The following PDS5A variants were observed in gnomAD, a reference collection of about 807,000 sequenced individuals.
PDS5A encodes the protein PDS5 cohesin associated factor A.
PDS5A carries 42 observed loss-of-function variants against 167.1 expected under a neutral mutation model. The observed-to-expected ratio is 0.25, with a 90% confidence interval of 0.20 to 0.33. PDS5A has a LOEUF of 0.33. PDS5A is among the 10% of genes least tolerant of loss of function. The pLI is 1.00. For synonymous variants in PDS5A, 553 were observed against 554.6 expected, an observed-to-expected ratio of 1.00 and a Z score of 0.04; for missense variants, 1,033 against 1,605.9, an observed-to-expected ratio of 0.64 and a Z score of 6.10.
At chr4:39,911,786 C>T (rs1277772129) in intron 9 of PDS5A, among the ~76,000 whole-genome samples, 3 of 147,818 alleles carry the variant, frequency 2.0e-5, no homozygotes, top group South Asian at 2.1e-4. Flanking sequence ...GAGCAGAGAT[C>T]GCGCCACTGC....
At position 39,827,634 on chromosome 4, in the gene PDS5A, T is replaced by G. The variant is rs867431762; in HGVS notation, c.4011-2146A>C. On this transcript the variant is annotated intron_variant, in intron 32 of 32. Coordinates refer to ENST00000303538, the MANE Select transcript of PDS5A (RefSeq NM_001100399.2). ...CGAACCCACATGATGGGAGGAAACC[T>G]TCTCATTATACAAATGAGCACAAAA... Among the ~76,000 whole-genome samples the G allele has an allele frequency of 1.2e-4, 18 of 152,344 alleles. 1 individual carries two copies. The highest frequency in any genetic ancestry group is 1.0e-3 in the South Asian group (5 of 4,832).
intron 17 of PDS5A, among the ~76,000 whole-genome samples, chr4:39,887,897 CAAAACAAAA>C (rs1721616121): frequency 6.6e-6 from 1 of 151,504 alleles, no homozygotes; most frequent in Non-Finnish European, 1.5e-5. Flanking sequence ...CAAAACAAAA[CAAAACAAAA>C]AAACACCAGA....
At chr4:39,976,407 A>G in intron 2 of PDS5A, 33 bp downstream of exon 2, 1 of 1,595,124 alleles carries the variant, frequency 6.3e-7, no homozygotes, top group Non-Finnish European at 8.6e-7. Flanking sequence ...AGCGCCTTCT[A>G]CCAAAGACAT....
In PDS5A at chr4:39,838,096, A is replaced by C. The variant is rs1716601139; in HGVS notation, c.3770T>G (p.Val1257Gly). Reference sequence around the variant, plus strand: ...AGGGGCGGGAGGTCCCGATTCATCTACTTTCTCATCTGTTTTTTGTTGGAT... The same window carrying C: ...AGGGGCGGGAGGTCCCGATTCATCTCCTTTCTCATCTGTTTTTTGTTGGAT... ...ENIQQKTDEK[V>G]DESGPPAPSK... Residue 1257 changes from valine to glycine, a missense_variant, in exon 32 of 33, where the codon GTA becomes GGA. Val to Gly is a moderately radical substitution (Grantham distance 109). Around this residue, in one of 4 missense-constraint regions of PDS5A, gnomAD observed 233 missense variants for 264.0 expected, o/e 0.88. Coordinates refer to ENST00000303538, the MANE Select transcript of PDS5A (RefSeq NM_001100399.2). The C allele has an allele frequency of 1.2e-6, 2 of 1,613,754 alleles. No individual in the cohort carries two copies. The highest frequency in any genetic ancestry group is 3.3e-4 in the Middle Eastern group (2 of 6,060).
intron 2 of PDS5A, among the ~76,000 whole-genome samples, chr4:39,945,228 A>C (rs986255692): frequency 2.8e-4 from 42 of 152,066 alleles, no homozygotes; most frequent in African/African-American, 1.0e-3. Flanking sequence ...TGGAAGGCCA[A>C]GGTGGGCGGA....
intron 9 of PDS5A, among the ~76,000 whole-genome samples, chr4:39,911,950 C>A (rs772861212): frequency 6.6e-6 from 1 of 151,058 alleles, no homozygotes; most frequent in Non-Finnish European, 1.5e-5. Context: ...ATAATGTGAT[C>A]TGAAATAGCT....
intron 26 of PDS5A, among the ~76,000 whole-genome samples, chr4:39,850,295 G>A (rs1045524531): frequency 6.7e-6 from 1 of 149,260 alleles, no homozygotes; most frequent in Non-Finnish European, 1.5e-5. Flanking sequence ...AAAGAAATTC[G>A]AGACTAGCCT....
At chr4:39,862,374 C>T (rs1719073808) in intron 25 of PDS5A, 41 bp from the exon 26 acceptor site, 2 of 912,210 alleles carry the variant, frequency 2.2e-6, no homozygotes, top group Non-Finnish European at 1.7e-6. Flanking sequence ...TTATAAAATG[C>T]CTTAGTGGAC....
chr4:39,952,268 T>C (rs1466534866), intron 2 of PDS5A, among the ~76,000 whole-genome samples: 1 of 152,072 alleles, frequency 6.6e-6, no homozygotes, highest in Non-Finnish European at 1.5e-5. Flanking sequence ...GAAGCGGAGG[T>C]TGCAGTGAGC....
At chr4:39,938,728 T>C (rs1228037432) in intron 2 of PDS5A, among the ~76,000 whole-genome samples, 2 of 151,918 alleles carry the variant, frequency 1.3e-5, no homozygotes. Flanking sequence ...TCCCAGCACT[T>C]TGGGAGGCTG....
At chr4:39,934,611 T>C (rs138401782) in intron 2 of PDS5A, among the ~76,000 whole-genome samples, 1 of 126,774 alleles carries the variant, frequency 7.9e-6, no homozygotes, top group Non-Finnish European at 1.8e-5. Flanking sequence ...ATTTCTTTTT[T>C]TTTCTTTTTT....
chr4:39,960,838 C>T (rs557971497), intron 2 of PDS5A, among the ~76,000 whole-genome samples: 3 of 152,176 alleles, frequency 2.0e-5, no homozygotes, highest in South Asian at 2.1e-4. Flanking sequence ...TACAGGCACA[C>T]GCCACCAAGT....
intron 32 of PDS5A, among the ~76,000 whole-genome samples, chr4:39,825,689 G>C (rs539035869): frequency 2.6e-5 from 4 of 151,778 alleles, no homozygotes; most frequent in African/African-American, 9.7e-5. Flanking sequence ...CTGGGTTCAA[G>C]TGGTCCTCCA....
intron 14 of PDS5A, 61 bp from the exon 15 acceptor site, chr4:39,898,886 C>T (rs1722642519): frequency 9.3e-7 from 1 of 1,069,976 alleles, no homozygotes; most frequent in East Asian, 2.5e-5. Flanking sequence ...ATTTCCCTAA[C>T]AAAAATCAAT....
chr4:39,836,196 G>A (rs1716370408), intron 32 of PDS5A, among the ~76,000 whole-genome samples: 1 of 152,140 alleles, frequency 6.6e-6, no homozygotes, highest in Non-Finnish European at 1.5e-5. Flanking sequence ...GGAGGCAGAG[G>A]TTCAATAAAG....
rs574895311 is a variant in PDS5A at position 39,853,489 on chromosome 4, T to G, written c.3087-3837A>C. On this transcript the variant is annotated intron_variant, in intron 26 of 32. Coordinates refer to ENST00000303538, the MANE Select transcript of PDS5A (RefSeq NM_001100399.2). ...CAATCTTTACTCTACTCATATCTAATTCTGTCACCCTCACCTACCAGTAGA... is the reference window on the plus strand; with the variant it reads ...CAATCTTTACTCTACTCATATCTAAGTCTGTCACCCTCACCTACCAGTAGA... Among the ~76,000 whole-genome samples, 59 of 152,354 alleles carry G rather than the reference T, an allele frequency of 3.9e-4. 1 individual carries two copies. Among genetic ancestry groups the G allele is most frequent in the African/African-American group, 1.3e-3 (55 of 41,592 alleles).
chr4:39,872,238 G>A (rs1222331189), intron 21 of PDS5A, among the ~76,000 whole-genome samples: 1 of 142,288 alleles, frequency 7.0e-6, no homozygotes, highest in East Asian at 2.1e-4. Context: ...GTGCAACTGT[G>A]CAATCATGGC....
intron 2 of PDS5A, among the ~76,000 whole-genome samples, chr4:39,945,113 C>T (rs550525215): frequency 1.2e-4 from 19 of 152,104 alleles, no homozygotes; most frequent in African/African-American, 4.3e-4. Flanking sequence ...TATTAATACC[C>T]CCGTTTAACA....
In PDS5A at chr4:39,898,440, C is replaced by T. The variant is rs1722606688; in HGVS notation, c.1719G>A (p.Leu573=). The part of the protein sequence containing the change: ...LGDDEKLRSQ[L]ELLISPTCSC... ...AACAGGTTGGGCTAATTAATAACTC[C>T]AACTGAGACCGAAGTTTCTCATCAT... Residue 573 remains leucine, a synonymous_variant, in exon 16 of 33, where the codon TTG becomes TTA. Transcript: ENST00000303538. 8 of 1,595,478 alleles carry T rather than the reference C, an allele frequency of 5.0e-6. No individual in the cohort carries two copies. The highest frequency in any genetic ancestry group is 6.8e-6 in the Non-Finnish European group (8 of 1,170,178).
Sources: allele counts gnomAD v4.1 joint callset (sites outside exome capture counted in the v4.1 genomes callset), GRCh38; gene constraint gnomAD v4.1.1; regional missense constraint gnomAD v4.1.1; transcripts MANE v1.5; gene names NCBI Gene and HGNC (gene_info 2026-07-23, HGNC 2026-07-21).